ATF3: variants seen among roughly 807,000 people sequenced by gnomAD.
The protein encoded by ATF3 is cyclic AMP-dependent transcription factor ATF-3.
In ATF3, 10 loss-of-function variants were observed where a neutral mutation model predicts 18.4. The ratio of observed to expected loss-of-function variants is 0.54; its 90% CI spans 0.34 to 0.92. The LOEUF is 0.92. ATF3 is among the 40% of genes least tolerant of loss of function. ATF3 has a pLI of 0.02. For synonymous variants in ATF3, 78 were observed against 87.9 expected (o/e 0.89, Z 0.63); for missense variants, 183 against 222.3 (o/e 0.82, Z 1.12).
chr1:212,608,210 TG>T (rs930957522), upstream of ATF3, among the ~76,000 whole-genome samples: 57 of 152,270 alleles, frequency 3.7e-4, 2 homozygotes, highest in East Asian at 2.9e-3. Flanking sequence ...AGGAGGCCAG[TG>T]GGGGAGGGGG....
At chr1:212,577,025 C>G (rs963171371) in intron 1 of ATF3, among the ~76,000 whole-genome samples, 1 of 152,056 alleles carries the variant, frequency 6.6e-6, no homozygotes, top group Non-Finnish European at 1.5e-5. Flanking sequence ...GCCACCGAGC[C>G]CGGCCCAAAA....
At chr1:212,593,305 G>T in intron 1 of ATF3, among the ~76,000 whole-genome samples, 1 of 132,202 alleles carries the variant, frequency 7.6e-6, no homozygotes, top group Non-Finnish European at 1.6e-5. Flanking sequence ...TGGGGGGAGG[G>T]GGTAGGGATA....
At chr1:212,608,112 G>T (rs1654698830), upstream of ATF3, among the ~76,000 whole-genome samples, 1 of 152,222 alleles carries the variant, frequency 6.6e-6, no homozygotes, top group Non-Finnish European at 1.5e-5. Context: ...GCGGGTAACG[G>T]CGTGGATACA....
At chr1:212,568,421 A>G (rs11119974) in intron 1 of ATF3, among the ~76,000 whole-genome samples, 19,487 of 152,154 alleles carry the variant, frequency 0.13, 1,729 homozygotes, top group East Asian at 0.32. Flanking sequence ...GCATCATGGA[A>G]AAAGGAGCCC....
At chr1:212,572,117 T>A (rs1280477220) in intron 1 of ATF3, among the ~76,000 whole-genome samples, 2 of 152,254 alleles carry the variant, frequency 1.3e-5, no homozygotes, top group Non-Finnish European at 2.9e-5. Context: ...TATGTACATT[T>A]TTACACTTGT....
intron 1 of ATF3, among the ~76,000 whole-genome samples, chr1:212,570,438 G>A (rs1289012157): frequency 6.6e-6 from 1 of 152,116 alleles, no homozygotes; most frequent in Non-Finnish European, 1.5e-5. Flanking sequence ...TGCCTAGCAA[G>A]ATATAAAACT....
At chr1:212,612,129 A>G (rs1418551147) in intron 1 of ATF3, among the ~76,000 whole-genome samples, 1 of 152,174 alleles carries the variant, frequency 6.6e-6, no homozygotes, top group Non-Finnish European at 1.5e-5. Flanking sequence ...AGAAAACCCA[A>G]ATCTCGACAG....
intron 1 of ATF3, among the ~76,000 whole-genome samples, chr1:212,585,296 G>A (rs990478067): frequency 6.6e-6 from 1 of 152,158 alleles, no homozygotes; most frequent in Non-Finnish European, 1.5e-5. Context: ...ACTCAGCCTG[G>A]CTTCCTCTGC....
chr1:212,590,425 C>CAAAAA (rs149105509), intron 1 of ATF3, among the ~76,000 whole-genome samples: 1 of 147,216 alleles, frequency 6.8e-6, no homozygotes. Flanking sequence ...TTAAAAACTG[C>CAAAAA]AAAAAAAAAA....
At position 212,619,880 on chromosome 1, in the gene ATF3, G is replaced by A. The variant is rs976538434; in HGVS notation, c.*325G>A. The A allele has an allele frequency of 1.9e-5, 6 of 322,874 alleles. No individual in the cohort carries two copies. The highest frequency in any genetic ancestry group is 2.6e-5 in the South Asian group (1 of 38,038). The allele number at this position is 322,874 out of a possible 1,614,324, so 20.0% of individuals were successfully genotyped here. A position where few individuals can be genotyped will look rare whatever the true frequency, so the allele number is the denominator to read the frequency against. ...TCTACAAAAAACCAGGATGCCCACC[G>A]TTAGGATTCAGGCAGCAGTGTCTGT... is the stretch of plus-strand genomic sequence containing the variant. On this transcript the variant is annotated 3_prime_UTR_variant, in exon 4 of 4. Transcript: ENST00000341491. The surrounding 1 kb of genome is among the most constrained non-coding windows in gnomAD (Gnocchi z 4.4).
At chr1:212,617,610 T>A (rs1240314484) in intron 2 of ATF3, among the ~76,000 whole-genome samples, 1 of 152,162 alleles carries the variant, frequency 6.6e-6, no homozygotes, top group African/African-American at 2.4e-5. Context: ...CATGGGCTTC[T>A]CCCAAATTTG....
intron 2 of ATF3, 144 bp downstream of exon 2, chr1:212,615,405 A>G: frequency 9.7e-7 from 1 of 1,031,650 alleles, no homozygotes; most frequent in South Asian, 1.6e-5. Flanking sequence ...TTCTCCTGGG[A>G]GGAGACAGAA....
intron 1 of ATF3, among the ~76,000 whole-genome samples, chr1:212,602,856 G>C (rs1367292000): frequency 6.6e-6 from 1 of 152,192 alleles, no homozygotes; most frequent in Non-Finnish European, 1.5e-5. Flanking sequence ...GAATGTATTT[G>C]ATATCTTCTC....
At chr1:212,599,781 C>G (rs1654430431) in intron 1 of ATF3, among the ~76,000 whole-genome samples, 1 of 152,234 alleles carries the variant, frequency 6.6e-6, no homozygotes. Context: ...CCTCCCCTCT[C>G]CATCTATCCT....
At position 212,619,974 on chromosome 1, in the gene ATF3, A is replaced by C. The variant is rs1204730890; in HGVS notation, c.*419A>C. ...CCATTGTCACTCGTAGGGGATGTGG[A>C]GTGAGAACAGCATTTAGTGAAGTTG... On this transcript the variant is annotated 3_prime_UTR_variant, in exon 4 of 4. Coordinates refer to ENST00000341491, the MANE Select transcript of ATF3 (RefSeq NM_001674.4). The surrounding 1 kb of genome is among the most constrained non-coding windows in gnomAD (Gnocchi z 4.4). 1 of 258,404 alleles carries C rather than the reference A, an allele frequency of 3.9e-6. No homozygotes were observed. Among genetic ancestry groups the C allele is most frequent in the East Asian group, 9.2e-5 (1 of 10,814 alleles). 16.0% of individuals were successfully genotyped at this position (258,404 alleles called of 1,614,324 possible). A position where few individuals can be genotyped will look rare whatever the true frequency, so the allele number is the denominator to read the frequency against.
chr1:212,566,002 G>C (rs1006834533), intron 1 of ATF3, among the ~76,000 whole-genome samples: 6 of 152,176 alleles, frequency 3.9e-5, no homozygotes, highest in African/African-American at 1.4e-4. Context: ...TGTATCAGCA[G>C]TGTAACATGG....
intron 1 of ATF3, among the ~76,000 whole-genome samples, chr1:212,599,626 C>T (rs1398793304): frequency 6.6e-6 from 1 of 152,182 alleles, no homozygotes; most frequent in East Asian, 1.9e-4. Flanking sequence ...TGGCTAGGGG[C>T]CATTCCCTTC....
At chr1:212,581,219 C>T (rs777683254) in intron 1 of ATF3, among the ~76,000 whole-genome samples, 2 of 152,188 alleles carry the variant, frequency 1.3e-5, no homozygotes, top group Non-Finnish European at 2.9e-5. Flanking sequence ...AGGGCTGGCG[C>T]GTGCGCAGGT....
chr1:212,567,915 G>A (rs1409548212), intron 1 of ATF3, among the ~76,000 whole-genome samples: 1 of 152,200 alleles, frequency 6.6e-6, no homozygotes, highest in Admixed American at 6.5e-5. Flanking sequence ...TTCCAGAACT[G>A]AATATTGGAA....
Sources: allele counts gnomAD v4.1 joint callset (sites outside exome capture counted in the v4.1 genomes callset), GRCh38; gene constraint gnomAD v4.1.1; non-coding constraint Gnocchi (gnomAD v3.1); transcripts MANE v1.5; gene names NCBI Gene and HGNC (gene_info 2026-07-23, HGNC 2026-07-21).